The following ABCB11 variants were observed in gnomAD, a reference collection of about 807,000 sequenced individuals.
ABCB11 encodes ATP binding cassette subfamily B member 11, also known as bile salt export pump.
A neutral mutation model predicts 148.0 loss-of-function variants in ABCB11; 95 were observed. That is an observed-to-expected ratio of 0.64 (90% CI 0.54 to 0.76). ABCB11 has a LOEUF of 0.76. Ranked by LOEUF, ABCB11 falls within the 30% of genes least tolerant of loss-of-function variation. The pLI, the probability that ABCB11 is intolerant of heterozygous loss-of-function variation, is 0.00. For synonymous variants in ABCB11, 591 were observed against 555.4 expected, an observed-to-expected ratio of 1.06 and a Z score of -0.90; for missense variants, 1,523 against 1,617.8, an observed-to-expected ratio of 0.94 and a Z score of 1.01.
At chr2:169,023,499 A>G (rs1695595330) in intron 1 of ABCB11, among the ~76,000 whole-genome samples, 1 of 152,230 alleles carries the variant, frequency 6.6e-6, no homozygotes, top group African/African-American at 2.4e-5. Context: ...TTTGGAAACA[A>G]AAAGCTAGGA....
intron 19 of ABCB11, among the ~76,000 whole-genome samples, chr2:168,949,050 G>A (rs941312394): frequency 2.0e-5 from 3 of 151,488 alleles, no homozygotes; most frequent in South Asian, 2.1e-4. Context: ...ACTAGGATTC[G>A]GTAAACCTGG....
chr2:168,960,332 T>C (rs560043446), intron 18 of ABCB11, among the ~76,000 whole-genome samples: 1 of 151,864 alleles, frequency 6.6e-6, no homozygotes, highest in South Asian at 2.1e-4. Context: ...GTACGTACCA[T>C]CAAAGGGTAG....
chr2:169,021,388 A>G (rs1013604176), intron 1 of ABCB11, among the ~76,000 whole-genome samples: 28 of 152,214 alleles, frequency 1.8e-4, no homozygotes, highest in African/African-American at 6.8e-4. Flanking sequence ...TTAATGTCAG[A>G]AAAATAGAAT....
chr2:168,987,134 G>A (rs76517628), intron 9 of ABCB11, among the ~76,000 whole-genome samples: 2,485 of 152,086 alleles, frequency 0.016, 64 homozygotes, highest in African/African-American at 0.057. Context: ...AAAAGAAGTG[G>A]GGAAAAGACG....
chr2:168,947,017 A>C (rs1437380556), intron 19 of ABCB11, among the ~76,000 whole-genome samples: 1 of 151,610 alleles, frequency 6.6e-6, no homozygotes, highest in Non-Finnish European at 1.5e-5. Context: ...TTGAAATGCA[A>C]CTCCAAGGGC....
At chr2:169,014,439 T>C in intron 3 of ABCB11, 85 bp from the exon 4 acceptor site, 1 of 1,319,532 alleles carries the variant, frequency 7.6e-7, no homozygotes, top group Non-Finnish European at 1.1e-6. Flanking sequence ...TATGAGTTAT[T>C]CTTTAGTAAG....
At chr2:168,993,544 T>C (rs1307251596) in intron 8 of ABCB11, among the ~76,000 whole-genome samples, 167 bp downstream of exon 8, 1 of 152,112 alleles carries the variant, frequency 6.6e-6, no homozygotes, top group Non-Finnish European at 1.5e-5. Flanking sequence ...TTAATCCCTA[T>C]TCGATGAAAT....
At position 168,922,672 on chromosome 2, in the gene ABCB11, G is replaced by T. The variant is rs1239099939; in HGVS notation, c.*950C>A. Among the ~76,000 whole-genome samples, 1 of 152,114 alleles carries T rather than the reference G, an allele frequency of 6.6e-6. No individual in the cohort carries two copies. The highest frequency in any genetic ancestry group is 2.4e-5 in the African/African-American group (1 of 41,396). ...GCATCACTGTGTTTTCTTCATTCTT[G>T]TAGATTCCTGCCGCCTTTAGTTCTA... is the stretch of plus-strand genomic sequence containing the variant. On this transcript the variant is annotated 3_prime_UTR_variant, in exon 28 of 28. Transcript: ENST00000650372.
chr2:168,954,480 T>C (rs1274636333), intron 19 of ABCB11, among the ~76,000 whole-genome samples: 2 of 151,586 alleles, frequency 1.3e-5, no homozygotes, highest in Non-Finnish European at 3.0e-5. Context: ...TTATGAAGCT[T>C]ATTCTGGCAG....
Position 169,013,295 on chromosome 2 carries a change from G to A in ABCB11, c.366C>T (p.Asn122=). 6.2e-7 allele frequency: 1 copy of A among 1,612,898 alleles called. No homozygotes were observed. Among genetic ancestry groups the A allele is most frequent in the Non-Finnish European group, 8.5e-7 (1 of 1,179,154 alleles). Residue 122 remains asparagine, a synonymous_variant, in exon 5 of 28, where the codon AAC becomes AAT. Transcript: ENST00000650372. Reference sequence around the variant, plus strand: ...ACCCACAACGTGTTCCATTTGTCATGTTCTGGTTGAGGGAACTGTTAGTCC... The same window carrying A: ...ACCCACAACGTGTTCCATTTGTCATATTCTGGTTGAGGGAACTGTTAGTCC... The part of the protein sequence containing the change: ...IVWTNSSLNQ[N]MTNGTRCGLL...
At chr2:169,030,304 G>A (rs980725630) in intron 1 of ABCB11, among the ~76,000 whole-genome samples, 12 of 152,084 alleles carry the variant, frequency 7.9e-5, no homozygotes, top group Non-Finnish European at 1.5e-4. Flanking sequence ...GGGAAATGGA[G>A]GCTTCAACCA....
intron 8 of ABCB11, 46 bp from the exon 9 acceptor site, chr2:168,990,971 A>G (rs1694499238): frequency 6.3e-7 from 1 of 1,597,466 alleles, no homozygotes. Flanking sequence ...CCAAGAAATT[A>G]GGTAAGTCAG....
At chr2:168,957,869 AAAAGAGCTAAATACATGAAAAC>A in intron 19 of ABCB11, 73 bp downstream of exon 19, 1 of 1,187,146 alleles carries the variant, frequency 8.4e-7, no homozygotes, top group Non-Finnish European at 1.1e-6. Flanking sequence ...GAACTAACAG[AAAAGAGCTAAATACATGAAAAC>A]AAAGAGCGGA....
At chr2:169,024,084 G>A (rs1176685205) in intron 1 of ABCB11, among the ~76,000 whole-genome samples, 3 of 152,126 alleles carry the variant, frequency 2.0e-5, no homozygotes, top group Non-Finnish European at 2.9e-5. Context: ...AATAGCTAAC[G>A]CATGCCGGGC....
chr2:169,029,586 C>A (rs1573998068), intron 1 of ABCB11, among the ~76,000 whole-genome samples: 1 of 152,086 alleles, frequency 6.6e-6, no homozygotes, highest in African/African-American at 2.4e-5. Flanking sequence ...CACGGTGATC[C>A]CATTGGCCAC....
chr2:168,985,946 TA>T (rs560903756), intron 10 of ABCB11, among the ~76,000 whole-genome samples, 163 bp downstream of exon 10: 48 of 151,662 alleles, frequency 3.2e-4, no homozygotes, highest in African/African-American at 8.9e-4. Context: ...ATTATGGAAA[TA>T]AAAAAAAATT....
At chr2:168,924,944 T>C (rs1375792253) in intron 26 of ABCB11, 141 bp from the exon 27 acceptor site, 10 of 581,906 alleles carry the variant, frequency 1.7e-5, no homozygotes, top group Admixed American at 3.6e-5. Flanking sequence ...TCCTATAGGA[T>C]GGAGGATGTC....
intron 3 of ABCB11, among the ~76,000 whole-genome samples, chr2:169,016,215 TCCTC>T (rs1186543540): frequency 4.7e-4 from 72 of 152,202 alleles, no homozygotes; most frequent in Middle Eastern, 3.4e-3. Context: ...CACTCCCACT[TCCTC>T]CCTCTGCTGT....
chr2:168,953,355 A>G (rs1315614518), intron 19 of ABCB11, among the ~76,000 whole-genome samples: 1 of 150,834 alleles, frequency 6.6e-6, no homozygotes, highest in Admixed American at 6.6e-5. Flanking sequence ...TTTTGCTTAT[A>G]TTTGTTTTGT....
Sources: gnomAD v4.1 joint callset for allele counts (sites outside exome capture counted in the v4.1 genomes callset) on GRCh38, gnomAD v4.1.1 for gene constraint, MANE v1.5 for transcripts, NCBI Gene and HGNC (gene_info 2026-07-23, HGNC 2026-07-21) for gene names.